Variants in KMT2C observed in about 807,000 individuals in gnomAD.
The protein encoded by KMT2C is histone-lysine N-methyltransferase 2C.
In KMT2C, 88 loss-of-function variants were observed where a neutral mutation model predicts 507.9. The ratio of observed to expected loss-of-function variants is 0.17; its 90% CI spans 0.15 to 0.21. The LOEUF (loss-of-function observed/expected upper bound fraction) is 0.21, where lower values mean the gene tolerates loss of function less well. Among genes scored for constraint, KMT2C ranks in the 10% least tolerant of loss-of-function variants. The pLI, the probability that KMT2C is intolerant of heterozygous loss-of-function variation, is 1.00. For synonymous variants in KMT2C, 2,049 were observed against 2,080.8 expected (o/e 0.98, Z 0.42); for missense variants, 4,954 against 5,957.8 (o/e 0.83, Z 5.55).
At chr7:152,326,680 A>C (rs2096831441) in intron 3 of KMT2C, among the ~76,000 whole-genome samples, 1 of 152,108 alleles carries the variant, frequency 6.6e-6, no homozygotes, top group African/African-American at 2.4e-5. Flanking sequence ...GGAGATCGAG[A>C]CCATCCTGGC....
At chr7:152,367,663 T>A (rs574710206) in intron 1 of KMT2C, 1 of 1,430,940 alleles carries the variant, frequency 7.0e-7, no homozygotes, top group East Asian at 2.3e-5. Flanking sequence ...GAAGGTGGTG[T>A]TCAGTTGCTG....
intron 1 of KMT2C, among the ~76,000 whole-genome samples, chr7:152,394,127 C>CA (rs1175622904): frequency 3.9e-5 from 6 of 152,154 alleles, no homozygotes; most frequent in African/African-American, 1.4e-4. Context: ...TATCATGCTT[C>CA]AAATCATCTG....
chr7:152,310,442 G>C (rs1335438711), intron 5 of KMT2C, among the ~76,000 whole-genome samples: 1 of 152,168 alleles, frequency 6.6e-6, no homozygotes, highest in Non-Finnish European at 1.5e-5. Context: ...GTGCACGCCT[G>C]TAATTCCAGC....
intron 39 of KMT2C, among the ~76,000 whole-genome samples, chr7:152,172,985 A>G (rs1405524081): frequency 6.6e-6 from 1 of 152,176 alleles, no homozygotes; most frequent in African/African-American, 2.4e-5. Flanking sequence ...CTATGTCTTA[A>G]ATTTTCTGCA....
chr7:152,290,292 ATATTTTTTTTTTTTTTTTT>A (rs2096404076), intron 6 of KMT2C, among the ~76,000 whole-genome samples: 3 of 28,606 alleles, frequency 1.0e-4, no homozygotes, highest in South Asian at 2.0e-3. Flanking sequence ...ATATATATAT[ATATTTTTTTTTTTTTTTTT>A]TTTTTTTTTT....
intron 1 of KMT2C, among the ~76,000 whole-genome samples, chr7:152,425,460 T>C (rs2097807025): frequency 6.6e-6 from 1 of 152,052 alleles, no homozygotes; most frequent in South Asian, 2.1e-4. Flanking sequence ...GCCTGTACTC[T>C]CAGCTACTCC....
chr7:152,368,555 G>T, intron 1 of KMT2C: 1 of 1,386,784 alleles, frequency 7.2e-7, no homozygotes, highest in East Asian at 2.4e-5. Flanking sequence ...GAAAAACGTC[G>T]TCAGTTTGAG....
chr7:152,286,351 C>T (rs113816502), intron 6 of KMT2C, among the ~76,000 whole-genome samples: 193 of 133,770 alleles, frequency 1.4e-3, no homozygotes, highest in African/African-American at 4.7e-3. Context: ...AAGAAAACCA[C>T]ACCTAGGCAC....
At chr7:152,236,849 G>A (rs202030088) in intron 15 of KMT2C, among the ~76,000 whole-genome samples, 10 of 152,146 alleles carry the variant, frequency 6.6e-5, no homozygotes, top group South Asian at 2.1e-4. Context: ...AAGCCAAAGC[G>A]TCCAGCCAGG....
chr7:152,348,515 C>T (rs1180984033), intron 2 of KMT2C, among the ~76,000 whole-genome samples: 1 of 149,048 alleles, frequency 6.7e-6, no homozygotes, highest in East Asian at 2.0e-4. Context: ...AAGAGAATCG[C>T]CTGAACCCGG....
At chr7:152,297,057 G>GACAGACAGACAGAAAGAA (rs756980169) in intron 6 of KMT2C, among the ~76,000 whole-genome samples, 3 of 90,696 alleles carry the variant, frequency 3.3e-5, no homozygotes, top group African/African-American at 1.4e-4. Flanking sequence ...AAGAAAGACA[G>GACAGACAGACAGAAAGAA]AGAGAGAGAG....
At chr7:152,266,482 C>G (rs2095860185) in intron 7 of KMT2C, among the ~76,000 whole-genome samples, 1 of 151,982 alleles carries the variant, frequency 6.6e-6, no homozygotes, top group South Asian at 2.1e-4. Context: ...TGAGCTCAAG[C>G]AATCCTCCTG....
At chr7:152,294,499 T>C (rs559480929) in intron 6 of KMT2C, among the ~76,000 whole-genome samples, 3 of 152,214 alleles carry the variant, frequency 2.0e-5, no homozygotes, top group South Asian at 4.1e-4. Context: ...TATGGTGACA[T>C]GTACCTGTAG....
At position 152,414,441 on chromosome 7, in the gene KMT2C, T is replaced by C. The variant is rs532747872; in HGVS notation, c.161+21185A>G. The stretch of plus-strand genomic sequence containing the variant: ...TACTCAGGAGGCTGAGGCAGGAGTA[T>C]CGTTTGAACCTGGGAGGCGAAGGTT... On this transcript the variant is annotated intron_variant, in intron 1 of 58. Transcript: ENST00000262189. Among the ~76,000 whole-genome samples the C allele has an allele frequency of 7.1e-3, 1,075 of 152,050 alleles. 5 individuals carry two copies. Among genetic ancestry groups the C allele is most frequent in the Middle Eastern group, 0.034 (10 of 294 alleles).
At chr7:152,411,979 T>TTAAA (rs66577827) in intron 1 of KMT2C, among the ~76,000 whole-genome samples, 4 of 152,126 alleles carry the variant, frequency 2.6e-5, no homozygotes, top group Middle Eastern at 3.4e-3. Flanking sequence ...AGCAAAAAAT[T>TTAAA]TAAATAAATA....
chr7:152,383,672 G>A (rs2097394938), intron 1 of KMT2C, among the ~76,000 whole-genome samples: 1 of 152,058 alleles, frequency 6.6e-6, no homozygotes, highest in Non-Finnish European at 1.5e-5. Flanking sequence ...AGACTGTTTA[G>A]GTTCAATCCC....
intron 1 of KMT2C, among the ~76,000 whole-genome samples, chr7:152,420,833 A>C (rs937422303): frequency 2.8e-5 from 4 of 141,948 alleles, no homozygotes; most frequent in African/African-American, 1.1e-4. Flanking sequence ...ACTCCATCTC[A>C]AAAAAAAAAA....
chr7:152,179,926 A>G lies in KMT2C; in HGVS notation c.7350T>C (p.Pro2450=). 1 of 1,614,134 alleles carries G rather than the reference A, an allele frequency of 6.2e-7. No homozygotes were observed. The highest frequency in any genetic ancestry group is 2.2e-5 in the East Asian group (1 of 44,878). The change falls in exon 37 of 59, where the codon CCT becomes CCC. Residue 2450 remains proline (P), a synonymous_variant. Coordinates refer to ENST00000262189, the MANE Select transcript of KMT2C (RefSeq NM_170606.3). ...GGAAAACAGCATATCTAGGTCCTAA[A>G]GGAGGGGCAACAGGAGACCTAATGT... ...PGNIRSPVAP[P]LGPRYAVFPK...
chr7:152,209,334 G>A (rs541629541), intron 23 of KMT2C, among the ~76,000 whole-genome samples: 1 of 149,256 alleles, frequency 6.7e-6, no homozygotes, highest in Admixed American at 6.7e-5. Context: ...GCTGGTGCCT[G>A]TAGTCCCAGC....
Sources: gnomAD v4.1 joint callset for allele counts (sites outside exome capture counted in the v4.1 genomes callset) on GRCh38, gnomAD v4.1.1 for gene constraint, MANE v1.5 for transcripts, NCBI Gene and HGNC (gene_info 2026-07-23, HGNC 2026-07-21) for gene names.